Variants in COL5A2 observed in about 807,000 individuals in gnomAD.
COL5A2 encodes collagen type V alpha 2 chain, also known as collagen alpha-2(V) chain.
Under a neutral mutation model 208.2 loss-of-function variants are expected in COL5A2, and 23 were observed. The observed-to-expected ratio is 0.11, with a 90% CI of 0.08 to 0.16. COL5A2 has a LOEUF of 0.16. Ranked by LOEUF, COL5A2 falls within the 10% of genes least tolerant of loss-of-function variation. COL5A2 has a pLI of 1.00. For synonymous variants in COL5A2, 625 were observed against 628.5 expected, an observed-to-expected ratio of 0.99 and a Z score of 0.08; for missense variants, 1,590 against 1,956.4, an observed-to-expected ratio of 0.81 and a Z score of 3.53.
At chr2:189,265,339 A>G in the COL5A2 span, among the ~76,000 whole-genome samples, 6 of 152,174 alleles carry the variant, frequency 3.9e-5, no homozygotes, top group Non-Finnish European at 7.4e-5. Context: ...CAGCGGAGCC[A>G]TATTCTCTCT....
At chr2:189,257,192 A>G in the COL5A2 span, among the ~76,000 whole-genome samples, 1 of 152,208 alleles carries the variant, frequency 6.6e-6, no homozygotes, top group African/African-American at 2.4e-5. Flanking sequence ...GCAATATATG[A>G]GAGCCAATTT....
At chr2:189,092,059 A>G (rs1272500874) in intron 7 of COL5A2, among the ~76,000 whole-genome samples, 1 of 152,168 alleles carries the variant, frequency 6.6e-6, no homozygotes, top group Non-Finnish European at 1.5e-5. Flanking sequence ...AAAACAAAGC[A>G]CATAGAGTCT....
At chr2:189,219,106 G>A (rs1279258495) in intron 1 of COL5A2, among the ~76,000 whole-genome samples, 2 of 152,246 alleles carry the variant, frequency 1.3e-5, no homozygotes, top group African/African-American at 2.4e-5. Context: ...AAAAGCTAGT[G>A]TTCCAATAAC....
chr2:189,199,853 T>C (rs910270215), intron 1 of COL5A2, among the ~76,000 whole-genome samples: 1 of 152,232 alleles, frequency 6.6e-6, no homozygotes, highest in African/African-American at 2.4e-5. Flanking sequence ...TTCTCCATCC[T>C]TCTTTGTACA....
the COL5A2 span, among the ~76,000 whole-genome samples, chr2:189,425,383 A>G: frequency 6.6e-6 from 1 of 152,214 alleles, no homozygotes; most frequent in Non-Finnish European, 1.5e-5. Flanking sequence ...TCAGTATGTC[A>G]AAGAGCTATC....
At chr2:189,043,394 C>T (rs1018781273) in intron 47 of COL5A2, 136 bp from the exon 48 acceptor site, 1 of 594,084 alleles carries the variant, frequency 1.7e-6, no homozygotes, top group South Asian at 2.3e-5. Flanking sequence ...AATATATTTA[C>T]TTATCTAAAA....
chr2:189,153,916 T>C (rs10931399), intron 1 of COL5A2, among the ~76,000 whole-genome samples: 150,633 of 152,176 alleles, frequency 0.99, 74,571 homozygotes, highest in Middle Eastern at 1. Flanking sequence ...AGGTAGTTCC[T>C]GTATAGACCC....
At chr2:189,079,204 G>T in intron 14 of COL5A2, 97 bp from the exon 15 acceptor site, 1 of 961,688 alleles carries the variant, frequency 1.0e-6, no homozygotes, top group Non-Finnish European at 1.7e-6. Flanking sequence ...TTTTCAAAGA[G>T]GACATATGAA....
intron 12 of COL5A2, 32 bp from the exon 13 acceptor site, chr2:189,081,075 A>C: frequency 6.3e-7 from 1 of 1,589,212 alleles, no homozygotes; most frequent in Admixed American, 1.7e-5. Flanking sequence ...GGCATTTTAC[A>C]GTCATTAATA....
In COL5A2 at chr2:189,100,106, C is replaced by A. The variant is rs1559104199; in HGVS notation, c.369+1G>T. 6 of 1,608,432 alleles carry A rather than the reference C, an allele frequency of 3.7e-6. No individual in the cohort carries two copies. The highest frequency in any genetic ancestry group is 5.1e-6 in the Non-Finnish European group (6 of 1,175,070). On this transcript the variant is annotated splice_donor_variant, in intron 4 of 53. Transcript: ENST00000374866. LOFTEE classifies it high-confidence loss of function. ...GAAACAATGATTATACATATACTTA[C>A]AACAGGCACTAATCCTGGTTCTCCC... is the stretch of plus-strand genomic sequence containing the variant.
the COL5A2 span, among the ~76,000 whole-genome samples, chr2:189,254,958 A>G: frequency 1.3e-5 from 2 of 152,216 alleles, no homozygotes; most frequent in East Asian, 1.9e-4. Flanking sequence ...AGTGGTTGTT[A>G]TATTTATTCA....
the COL5A2 span, among the ~76,000 whole-genome samples, chr2:189,376,978 G>T: frequency 6.6e-6 from 1 of 152,096 alleles, no homozygotes; most frequent in East Asian, 1.9e-4. Context: ...TTAATATATT[G>T]TTACCAATTA....
chr2:189,218,772 G>T (rs1329554813), intron 1 of COL5A2, among the ~76,000 whole-genome samples: 2 of 152,014 alleles, frequency 1.3e-5, no homozygotes, highest in Admixed American at 6.6e-5. Context: ...TCTCATTGAC[G>T]CCTAGTCAAA....
chr2:189,078,994 CTTG>C (rs1487704185), intron 15 of COL5A2, 66 bp downstream of exon 15: 57 of 1,227,894 alleles, frequency 4.6e-5, no homozygotes, highest in Admixed American at 2.5e-4. Flanking sequence ...TAAAAATTCT[CTTG>C]TTGTAATCTA....
At chr2:189,270,295 C>T in the COL5A2 span, among the ~76,000 whole-genome samples, 6 of 152,138 alleles carry the variant, frequency 3.9e-5, no homozygotes, top group Admixed American at 1.3e-4. Flanking sequence ...TTTGTTTGCT[C>T]CTGCTTCTCT....
the COL5A2 span, among the ~76,000 whole-genome samples, chr2:189,231,072 C>G: frequency 2.6e-5 from 4 of 151,864 alleles, no homozygotes; most frequent in Non-Finnish European, 4.4e-5. Flanking sequence ...ATAAGCCAGT[C>G]AGAGAGGAAA....
the COL5A2 span, among the ~76,000 whole-genome samples, chr2:189,230,748 G>A: frequency 2.0e-4 from 30 of 151,992 alleles, no homozygotes; most frequent in African/African-American, 7.2e-4. Flanking sequence ...TGGTAGAAAT[G>A]TAAAATAGTG....
intron 1 of COL5A2, among the ~76,000 whole-genome samples, chr2:189,204,978 T>C (rs1411342525): frequency 3.3e-5 from 5 of 152,194 alleles, no homozygotes; most frequent in Non-Finnish European, 7.4e-5. Flanking sequence ...GCATTCTCTG[T>C]AGTTTTTCAC....
the COL5A2 span, among the ~76,000 whole-genome samples, chr2:189,343,565 T>G: frequency 6.6e-6 from 1 of 152,128 alleles, no homozygotes; most frequent in African/African-American, 2.4e-5. Flanking sequence ...CTACAAGCAT[T>G]TATCCTATTT....
Sources: allele counts gnomAD v4.1 joint callset (sites outside exome capture counted in the v4.1 genomes callset), GRCh38; gene constraint gnomAD v4.1.1; transcripts MANE v1.5; gene names NCBI Gene and HGNC (gene_info 2026-07-23, HGNC 2026-07-21).